Variants in ZC3H12C observed in about 807,000 individuals in gnomAD.
ZC3H12C encodes the protein zinc finger CCCH-type containing 12C.
Under a neutral mutation model 76.3 loss-of-function variants are expected in ZC3H12C, and 20 were observed. That is an observed-to-expected ratio of 0.26 (90% CI 0.18 to 0.38). The LOEUF (loss-of-function observed/expected upper bound fraction) is 0.38, where lower values mean the gene tolerates loss of function less well. ZC3H12C is among the 10% of genes least tolerant of loss of function. The pLI is 1.00. For synonymous variants in ZC3H12C, 352 were observed against 399.6 expected, an observed-to-expected ratio of 0.88 and a Z score of 1.42; for missense variants, 874 against 1,086.5, an observed-to-expected ratio of 0.80 and a Z score of 2.75.
chr11:110,152,572 G>A (rs1376087455), intron 2 of ZC3H12C, among the ~76,000 whole-genome samples: 1 of 151,814 alleles, frequency 6.6e-6, no homozygotes, highest in African/African-American at 2.4e-5. Context: ...ACATTTGACT[G>A]AAATTCTTCT....
chr11:110,148,467 A>G (rs1862209772), intron 2 of ZC3H12C, among the ~76,000 whole-genome samples: 1 of 152,210 alleles, frequency 6.6e-6, no homozygotes, highest in South Asian at 2.1e-4. Flanking sequence ...GTAACTTGGA[A>G]TTTACAGAGA....
chr11:110,136,754 T>C lies in ZC3H12C; in HGVS notation c.113T>C (p.Leu38Pro), dbSNP rs773157444. ...AACTTCATGGGCTTGAAGGATCACC[T>C]AGGGCATGACCTCGGCCACCTTTAT... ...RNNFMGLKDHLGHDLGHLYVE... is the reference protein window; with the variant it reads ...RNNFMGLKDHPGHDLGHLYVE... The change falls in exon 2 of 6, where the codon CTA becomes CCA. Residue 38 changes from leucine (L) to proline (P), a missense_variant. Physicochemically the swap from Leu to Pro is moderately conservative, Grantham distance 98. Around this residue, in one of 3 missense-constraint regions of ZC3H12C, gnomAD observed 210 missense variants for 227.1 expected, o/e 0.92. Transcript: ENST00000278590. 3 of 1,613,944 alleles carry C rather than the reference T, an allele frequency of 1.9e-6. No individual in the cohort carries two copies. Among genetic ancestry groups the C allele is most frequent in the South Asian group, 1.1e-5 (1 of 91,078 alleles).
intron 3 of ZC3H12C, among the ~76,000 whole-genome samples, chr11:110,159,042 T>TA (rs397749494): frequency 1.3e-5 from 2 of 151,992 alleles, no homozygotes; most frequent in Non-Finnish European, 2.9e-5. Flanking sequence ...CGTATTTTTT[T>TA]AACTAGTTTT....
rs1475361825 is a variant in ZC3H12C, at chr11:110,137,048, T to A, written c.407T>A (p.Ile136Asn). 1 of 1,613,260 alleles carries A rather than the reference T, an allele frequency of 6.2e-7. No homozygotes were observed. Among genetic ancestry groups the A allele is most frequent in the South Asian group, 1.1e-5 (1 of 91,026 alleles). ...CCTCACATACTCAAGCGCAATGAAA[T>A]TTTGCAAGACTTTAAACCTGAAGAG... ...LEPHILKRNEILQDFKPEESQ... is the reference protein window; with the variant it reads ...LEPHILKRNENLQDFKPEESQ... The change falls in exon 2 of 6, where the codon ATT becomes AAT. Residue 136 changes from isoleucine to asparagine, a missense_variant. By Grantham distance (149) the Ile-to-Asn change is moderately radical. This residue lies in a region of ZC3H12C where 210 missense variants were observed against 227.1 expected (regional missense o/e 0.92). Coordinates refer to ENST00000278590, the MANE Select transcript of ZC3H12C (RefSeq NM_033390.2).
intron 2 of ZC3H12C, among the ~76,000 whole-genome samples, chr11:110,143,325 C>T (rs929961928): frequency 2.6e-5 from 4 of 152,074 alleles, no homozygotes; most frequent in African/African-American, 9.7e-5. Flanking sequence ...AATCATTAAA[C>T]ATTGAAAAAT....
intron 1 of ZC3H12C, among the ~76,000 whole-genome samples, chr11:110,127,796 A>C (rs587027): frequency 6.6e-6 from 1 of 151,688 alleles, no homozygotes; most frequent in East Asian, 1.9e-4. Flanking sequence ...CTTCGGAGGC[A>C]GAAGCTTGAG....
intron 2 of ZC3H12C, among the ~76,000 whole-genome samples, chr11:110,139,002 A>G (rs749976484): frequency 3.3e-5 from 5 of 152,196 alleles, no homozygotes; most frequent in Non-Finnish European, 5.9e-5. Context: ...CTAGAGCCCC[A>G]TGCAGACCTA....
chr11:110,130,255 A>G (rs653169), intron 1 of ZC3H12C, among the ~76,000 whole-genome samples: 95,660 of 152,008 alleles, frequency 0.63, 30,451 homozygotes, highest in East Asian at 0.74. Flanking sequence ...CAGTTTAGGT[A>G]ACTCATTTGG....
chr11:110,093,540 G>A (rs1861049954), intron 1 of ZC3H12C, 108 bp downstream of exon 1: 2 of 825,112 alleles, frequency 2.4e-6, no homozygotes, highest in South Asian at 1.1e-4. Context: ...CAGGCGGAGG[G>A]CGCCGGGGCC....
intron 1 of ZC3H12C, among the ~76,000 whole-genome samples, chr11:110,119,602 G>C (rs1417698674): frequency 6.6e-6 from 1 of 152,070 alleles, no homozygotes; most frequent in African/African-American, 2.4e-5. Flanking sequence ...GTTCCTGTTT[G>C]TCTTCATCCG....
chr11:110,137,957 A>C (rs2134178089), intron 2 of ZC3H12C, among the ~76,000 whole-genome samples: 1 of 152,246 alleles, frequency 6.6e-6, no homozygotes. Flanking sequence ...CAAAACTTTC[A>C]GTGATAATTT....
intron 1 of ZC3H12C, among the ~76,000 whole-genome samples, chr11:110,111,805 G>A (rs1265310827): frequency 6.6e-6 from 1 of 151,010 alleles, no homozygotes; most frequent in Non-Finnish European, 1.5e-5. Flanking sequence ...AGCATCCCAA[G>A]GTGCTGAGAT....
At position 110,165,376 on chromosome 11, in the gene ZC3H12C, A is replaced by G; in HGVS notation, c.2291A>G (p.Gln764Arg). ...CTTTATGACAGTTCTCCTTCACGACAAAGAAAGCCTTATTCCCGCCAGGAA... is the reference window on the plus strand; with the variant it reads ...CTTTATGACAGTTCTCCTTCACGACGAAGAAAGCCTTATTCCCGCCAGGAA... ...SRLYDSSPSRQRKPYSRQEGL... is the reference protein window; with the variant it reads ...SRLYDSSPSRRRKPYSRQEGL... The change falls in exon 6 of 6, where the codon CAA becomes CGA. Residue 764 changes from glutamine to arginine, a missense_variant. Physicochemically the swap from Gln to Arg is conservative, Grantham distance 43. Coordinates refer to ENST00000278590, the MANE Select transcript of ZC3H12C (RefSeq NM_033390.2). 1 of 1,614,012 alleles carries G rather than the reference A, an allele frequency of 6.2e-7. No individual in the cohort carries two copies.
chr11:110,147,116 A>G (rs894070723), intron 2 of ZC3H12C, among the ~76,000 whole-genome samples: 2 of 152,188 alleles, frequency 1.3e-5, no homozygotes, highest in African/African-American at 4.8e-5. Flanking sequence ...ATTTGCCTCC[A>G]CCGTGCCTGT....
At chr11:110,117,798 A>T (rs1305675435) in intron 1 of ZC3H12C, among the ~76,000 whole-genome samples, 1 of 136,734 alleles carries the variant, frequency 7.3e-6, no homozygotes, top group East Asian at 2.0e-4. Context: ...TATATATATT[A>T]TATATACACA....
chr11:110,148,934 T>G (rs772493116), intron 2 of ZC3H12C, among the ~76,000 whole-genome samples: 3 of 152,238 alleles, frequency 2.0e-5, no homozygotes, highest in Non-Finnish European at 2.9e-5. Flanking sequence ...ATTTTGTAAT[T>G]CTTTATCAGT....
chr11:110,126,946 G>GA (rs1342030315), intron 1 of ZC3H12C, among the ~76,000 whole-genome samples: 3 of 152,034 alleles, frequency 2.0e-5, no homozygotes, highest in Non-Finnish European at 4.4e-5. Context: ...GATTACAGTT[G>GA]AGATCTTTTT....
At chr11:110,161,222 T>C (rs186278117) in intron 4 of ZC3H12C, among the ~76,000 whole-genome samples, 3 of 152,314 alleles carry the variant, frequency 2.0e-5, no homozygotes, top group African/African-American at 7.2e-5. Context: ...GGGGGCATGG[T>C]AGCTTTGTTT....
At position 110,163,339 on chromosome 11, in the gene ZC3H12C, A is replaced by C. The variant is rs2134201101; in HGVS notation, c.1215A>C (p.Lys405Asn). 6.2e-7 allele frequency: 1 copy of C among 1,612,948 alleles called. No homozygotes were observed. The highest frequency in any genetic ancestry group is 1.1e-5 in the South Asian group (1 of 90,556). The change falls in exon 5 of 6, where the codon AAA (lysine) becomes AAC (asparagine). Residue 405 changes from lysine to asparagine, a missense_variant. By Grantham distance (94) the Lys-to-Asn change is moderately conservative. Around this residue, in one of 3 missense-constraint regions of ZC3H12C, gnomAD observed 269 missense variants for 424.9 expected, o/e 0.63. Coordinates refer to ENST00000278590, the MANE Select transcript of ZC3H12C (RefSeq NM_033390.2). ...GPSLDNFLRK[K>N]PIVPEHKKQP... ...GTCTGGATAATTTTCTGAGGAAGAA[A>C]CCTATTGTTCCTGAACACAAAAAGC...
Sources: allele counts gnomAD v4.1 joint callset (sites outside exome capture counted in the v4.1 genomes callset), GRCh38; gene constraint gnomAD v4.1.1; regional missense constraint gnomAD v4.1.1; transcripts MANE v1.5; gene names NCBI Gene and HGNC (gene_info 2026-07-23, HGNC 2026-07-21).